RYK: variants seen among roughly 807,000 people sequenced by gnomAD.
RYK encodes the protein receptor like tyrosine kinase.
In RYK, 21 loss-of-function variants were observed where a neutral mutation model predicts 70.2. The observed-to-expected ratio is 0.30, with a 90% confidence interval of 0.21 to 0.43. The LOEUF is 0.43. RYK is among the 20% of genes least tolerant of loss of function. The pLI, the probability that RYK is intolerant of heterozygous loss-of-function variation, is 1.00. For synonymous variants in RYK, 267 were observed against 278.0 expected (o/e 0.96, Z 0.39); for missense variants, 604 against 753.3 (o/e 0.80, Z 2.32).
intron 4 of RYK, among the ~76,000 whole-genome samples, chr3:134,207,806 C>T (rs1470145292): frequency 6.6e-6 from 1 of 152,168 alleles, no homozygotes; most frequent in African/African-American, 2.4e-5. Flanking sequence ...TGGAGCTTCA[C>T]AGTGAACATT....
Position 134,191,864 on chromosome 3 carries a change from C to A in RYK, c.1000G>T (p.Asp334Tyr). ...TAATAAATACCTTCTTGGAGTACATCTTTTAGAGTTATCCTCTCTCTGGAT... is the reference window on the plus strand; with the variant it reads ...TAATAAATACCTTCTTGGAGTACATATTTTAGAGTTATCCTCTCTCTGGAT... ...AISRERITLK[D>Y]VLQEGTFGRI... The change falls in exon 8 of 15, where the codon GAT (aspartate) becomes TAT (tyrosine). Residue 334 changes from aspartate (D) to tyrosine (Y), a missense_variant. Asp to Tyr is a radical substitution (Grantham distance 160). This residue lies in a region of RYK where 466 missense variants were observed against 535.9 expected (regional missense o/e 0.87). Coordinates refer to ENST00000623711, the MANE Select transcript of RYK (RefSeq NM_002958.4). 2 of 1,610,514 alleles carry A rather than the reference C, an allele frequency of 1.2e-6. No homozygotes were observed. The highest frequency in any genetic ancestry group is 1.7e-6 in the Non-Finnish European group (2 of 1,178,366).
intron 9 of RYK, among the ~76,000 whole-genome samples, chr3:134,184,076 T>C (rs1288379354): frequency 6.6e-6 from 1 of 152,214 alleles, no homozygotes; most frequent in East Asian, 1.9e-4. Context: ...AAAGTTATGA[T>C]TGGAGATTAT....
intron 13 of RYK, among the ~76,000 whole-genome samples, chr3:134,169,381 A>G (rs1206438574): frequency 6.6e-6 from 1 of 152,180 alleles, no homozygotes; most frequent in Non-Finnish European, 1.5e-5. Context: ...CAAGAACTCT[A>G]TTTTCAAATA....
chr3:134,158,575 G>T (rs1348582039), intron 14 of RYK, among the ~76,000 whole-genome samples: 2 of 152,172 alleles, frequency 1.3e-5, no homozygotes, highest in Non-Finnish European at 1.5e-5. Context: ...ATTAAGAAAA[G>T]AACTTGGAGG....
At chr3:134,178,442 C>T (rs1199088963) in intron 10 of RYK, 2 of 155,248 alleles carry the variant, frequency 1.3e-5, no homozygotes, top group Admixed American at 1.3e-4. Flanking sequence ...CAATATCCCA[C>T]TTACTCCATT....
intron 2 of RYK, among the ~76,000 whole-genome samples, chr3:134,219,589 G>A (rs1019360242): frequency 1.2e-4 from 18 of 152,102 alleles, no homozygotes; most frequent in African/African-American, 3.6e-4. Context: ...GTTTTTATAT[G>A]TATCAACATC....
Position 134,168,579 on chromosome 3 carries a change from C to G in RYK, c.1575+7030G>C, listed in dbSNP as rs1271677285. 1.8e-4 allele frequency among the ~76,000 whole-genome samples: 22 copies of G among 123,706 alleles called. No homozygotes were observed. The Admixed American group carries it at 2.3e-3, about 13-fold the overall frequency. 81.2% of individuals were successfully genotyped at this position (123,706 alleles called of 152,430 possible). On this transcript the variant is annotated intron_variant, in intron 13 of 14. Transcript: ENST00000623711. ...AGGTGGGAATTGAACAATGAGAACA[C>G]TTGGACACAGGAAGGGGAACATCAC... is the stretch of plus-strand genomic sequence containing the variant.
chr3:134,158,339 G>A (rs759293374), intron 14 of RYK, 75 bp from the exon 15 acceptor site: 19 of 785,446 alleles, frequency 2.4e-5, no homozygotes, highest in Non-Finnish European at 3.5e-5. Context: ...TTTGATGCCA[G>A]TTATGTTGCC....
chr3:134,170,631 A>G (rs992762069), intron 13 of RYK: 6 of 154,534 alleles, frequency 3.9e-5, no homozygotes, highest in African/African-American at 1.4e-4. Flanking sequence ...TGAGAAGTGG[A>G]AGACAATGTC....
intron 2 of RYK, among the ~76,000 whole-genome samples, chr3:134,216,035 CAAAAAA>C (rs11425839): frequency 1.5e-5 from 2 of 130,746 alleles, no homozygotes; most frequent in Non-Finnish European, 3.3e-5. Flanking sequence ...GACTCAGTCT[CAAAAAA>C]AAAAAGAAAA....
chr3:134,232,941 C>T (rs1373750662), intron 1 of RYK, among the ~76,000 whole-genome samples: 1 of 152,240 alleles, frequency 6.6e-6, no homozygotes, highest in Middle Eastern at 3.2e-3. Context: ...CAGGAGTCCT[C>T]TCAGCTCTAT....
chr3:134,190,219 C>T (rs987772106), intron 8 of RYK, among the ~76,000 whole-genome samples: 1 of 152,150 alleles, frequency 6.6e-6, no homozygotes, highest in Non-Finnish European at 1.5e-5. Flanking sequence ...AGCTACACAC[C>T]CTGACCTGTC....
chr3:134,227,246 T>C (rs1034730616), intron 1 of RYK, among the ~76,000 whole-genome samples: 1 of 152,092 alleles, frequency 6.6e-6, no homozygotes, highest in African/African-American at 2.4e-5. Context: ...CTGAAAACTA[T>C]AAAACATGGC....
Position 134,159,391 on chromosome 3 carries a change from G to C in RYK, c.1576-18C>G. 6.4e-7 allele frequency: 1 copy of C among 1,574,094 alleles called. No individual in the cohort carries two copies. Among genetic ancestry groups the C allele is most frequent in the Non-Finnish European group, 8.6e-7 (1 of 1,159,744 alleles). On this transcript the variant is annotated intron_variant, in intron 13 of 14. Transcript: ENST00000623711. ...AAGGCCCACTAGTAAAGGAGCAGAA[G>C]CACAATGAGGGGACATTTAAAACAA...
At chr3:134,159,166 C>A in intron 14 of RYK, 71 bp downstream of exon 14, 1 of 1,496,388 alleles carries the variant, frequency 6.7e-7, no homozygotes, top group South Asian at 1.2e-5. Context: ...ATATGGAAAC[C>A]TGCTCTTTTT....
intron 1 of RYK, among the ~76,000 whole-genome samples, chr3:134,242,394 T>C (rs866592957): frequency 1.3e-5 from 2 of 152,104 alleles, no homozygotes; most frequent in African/African-American, 4.8e-5. Flanking sequence ...TCAACAACTG[T>C]TTATTATGTA....
chr3:134,201,765 TAAG>T (rs1474036330), intron 6 of RYK, among the ~76,000 whole-genome samples: 1 of 151,998 alleles, frequency 6.6e-6, no homozygotes, highest in East Asian at 1.9e-4. Flanking sequence ...GATACAGCAA[TAAG>T]AGGAGAAAAG....
At chr3:134,222,905 G>A (rs775868032) in intron 1 of RYK, among the ~76,000 whole-genome samples, 1 of 152,154 alleles carries the variant, frequency 6.6e-6, no homozygotes, top group African/African-American at 2.4e-5. Flanking sequence ...AAAAATTTAC[G>A]TAGACTTAGG....
At chr3:134,204,591 C>CCACAGCCA (rs58130864) in intron 5 of RYK, among the ~76,000 whole-genome samples, 3,819 of 140,716 alleles carry the variant, frequency 0.027, 97 homozygotes, top group African/African-American at 0.065. Flanking sequence ...ACAGCCACAG[C>CCACAGCCA]CACACACACA....
Sources: allele counts gnomAD v4.1 joint callset (sites outside exome capture counted in the v4.1 genomes callset), GRCh38; gene constraint gnomAD v4.1.1; regional missense constraint gnomAD v4.1.1; transcripts MANE v1.5; gene names NCBI Gene and HGNC (gene_info 2026-07-23, HGNC 2026-07-21).